GRM5: variants seen among roughly 807,000 people sequenced by gnomAD.
The protein encoded by GRM5 is metabotropic glutamate receptor 5.
GRM5 carries 19 observed loss-of-function variants against 83.1 expected under a neutral mutation model. The observed-to-expected ratio is 0.23, with a 90% CI of 0.16 to 0.34. GRM5 has a LOEUF of 0.34. Ranked by LOEUF, GRM5 falls within the 10% of genes least tolerant of loss-of-function variation. The pLI is 1.00. For missense variants in GRM5, 1,160 were observed against 1,588.3 expected (o/e 0.73, Z 4.58); for synonymous variants, 675 against 633.6 (o/e 1.07, Z -0.98).
chr11:89,009,462 C>A lies in GRM5; in HGVS notation c.661+37750G>T, dbSNP rs369648472. On this transcript the variant is annotated intron_variant, in intron 2 of 9. Transcript: ENST00000305447. Reference sequence around the variant, plus strand: ...AACAGAGGAATTTACCCAAGATTATCAAGTTAACAGATGAGAAAACTAGGA... The same window carrying A: ...AACAGAGGAATTTACCCAAGATTATAAAGTTAACAGATGAGAAAACTAGGA... 5.7e-4 allele frequency among the ~76,000 whole-genome samples: 87 copies of A among 152,212 alleles called. 1 individual carries two copies. The highest frequency in any genetic ancestry group is 1.8e-3 in the African/African-American group (74 of 41,546).
chr11:88,839,386 T>C (rs1785659193), intron 3 of GRM5, among the ~76,000 whole-genome samples: 1 of 152,298 alleles, frequency 6.6e-6, no homozygotes, highest in South Asian at 2.1e-4. Context: ...AAACAAAAAA[T>C]GGTTTTAGTA....
chr11:88,686,840 C>T (rs549501229), intron 3 of GRM5, among the ~76,000 whole-genome samples: 17 of 152,142 alleles, frequency 1.1e-4, no homozygotes, highest in Non-Finnish European at 1.9e-4. Context: ...TTCCCAGTCT[C>T]AGGTTTGTCT....
intron 2 of GRM5, among the ~76,000 whole-genome samples, chr11:88,965,997 A>T (rs1392616412): frequency 6.6e-6 from 1 of 152,178 alleles, no homozygotes; most frequent in African/African-American, 2.4e-5. Context: ...AGAACACAGA[A>T]TAGGAAATTC....
intron 4 of GRM5, among the ~76,000 whole-genome samples, chr11:88,627,434 A>G (rs1591392606): frequency 6.6e-6 from 1 of 152,196 alleles, no homozygotes. Flanking sequence ...TGAAAGATGC[A>G]CATTAGGGAT....
At position 88,814,522 on chromosome 11, in the gene GRM5, C is replaced by T. The variant is rs535033596; in HGVS notation, c.911+35384G>A. Among the ~76,000 whole-genome samples, 63 of 152,260 alleles carry T rather than the reference C, an allele frequency of 4.1e-4. No homozygotes were observed. The South Asian group carries it at 0.013, about 31-fold the overall frequency. On this transcript the variant is annotated intron_variant, in intron 3 of 9. Transcript: ENST00000305447. Reference sequence around the variant, plus strand: ...AGTAGGAAGTCTTATAATTCACAGACACAGTAGAATACTCAGAAGACTATT... The same window carrying T: ...AGTAGGAAGTCTTATAATTCACAGATACAGTAGAATACTCAGAAGACTATT...
At chr11:88,643,331 G>A (rs1259123203) in intron 4 of GRM5, among the ~76,000 whole-genome samples, 1 of 152,056 alleles carries the variant, frequency 6.6e-6, no homozygotes, top group East Asian at 1.9e-4. Flanking sequence ...TCAAGGGGAT[G>A]GTGCTAAACT....
At chr11:88,867,472 A>G (rs530869717) in intron 2 of GRM5, among the ~76,000 whole-genome samples, 2 of 151,850 alleles carry the variant, frequency 1.3e-5, no homozygotes, top group Admixed American at 1.3e-4. Context: ...GTCTTTTTTC[A>G]TAAGAAGTTT....
intron 2 of GRM5, among the ~76,000 whole-genome samples, chr11:89,014,121 T>C (rs1204065781): frequency 1.3e-5 from 2 of 152,146 alleles, no homozygotes; most frequent in African/African-American, 2.4e-5. Context: ...CAAACATACA[T>C]ATATATGTTT....
intron 3 of GRM5, among the ~76,000 whole-genome samples, chr11:88,760,329 A>C (rs929969542): frequency 4.2e-5 from 3 of 71,834 alleles, no homozygotes; most frequent in African/African-American, 1.7e-4. Flanking sequence ...TAGCTAGACT[A>C]ATAAAGAGAA....
intron 3 of GRM5, among the ~76,000 whole-genome samples, chr11:88,693,452 T>A (rs1420514350): frequency 6.6e-6 from 1 of 152,192 alleles, no homozygotes; most frequent in East Asian, 1.9e-4. Context: ...GTCTCCCTCA[T>A]TCCTGTCTGA....
intron 3 of GRM5, among the ~76,000 whole-genome samples, chr11:88,708,425 G>A (rs1292205413): frequency 6.6e-6 from 1 of 152,010 alleles, no homozygotes; most frequent in African/African-American, 2.4e-5. Flanking sequence ...ATATTGAGAG[G>A]AATAGGAAAG....
chr11:88,839,023 G>C (rs186312582), intron 3 of GRM5, among the ~76,000 whole-genome samples: 109 of 152,036 alleles, frequency 7.2e-4, no homozygotes, highest in Middle Eastern at 3.4e-3. Flanking sequence ...TTAAATTTCT[G>C]TTCTAGTTCT....
chr11:88,680,362 G>T (rs1374063213), intron 3 of GRM5, among the ~76,000 whole-genome samples: 1 of 152,014 alleles, frequency 6.6e-6, no homozygotes, highest in Non-Finnish European at 1.5e-5. Flanking sequence ...GCAATAGTTT[G>T]CTGAGAATGA....
intron 3 of GRM5, among the ~76,000 whole-genome samples, chr11:88,661,978 T>C (rs537112425): frequency 6.6e-6 from 1 of 152,272 alleles, no homozygotes; most frequent in Non-Finnish European, 1.5e-5. Context: ...CTGAGGTGTA[T>C]AAATCTCAAT....
chr11:89,044,950 C>T (rs1314972317), intron 2 of GRM5, among the ~76,000 whole-genome samples: 1 of 151,970 alleles, frequency 6.6e-6, no homozygotes, highest in African/African-American at 2.4e-5. Flanking sequence ...GTGAGTTTCA[C>T]CTTGTGAAAA....
At chr11:88,532,556 A>G (rs1942037698) in intron 8 of GRM5, among the ~76,000 whole-genome samples, 1 of 152,194 alleles carries the variant, frequency 6.6e-6, no homozygotes, top group South Asian at 2.1e-4. Context: ...AAAAATGACC[A>G]TGTGAATAAA....
intron 2 of GRM5, among the ~76,000 whole-genome samples, chr11:88,899,228 C>A (rs550620764): frequency 6.6e-6 from 1 of 151,880 alleles, no homozygotes; most frequent in African/African-American, 2.4e-5. Flanking sequence ...TCATCTTGAG[C>A]AACATGAACA....
At chr11:88,692,308 C>T (rs189028381) in intron 3 of GRM5, among the ~76,000 whole-genome samples, 188 of 152,238 alleles carry the variant, frequency 1.2e-3, no homozygotes, top group African/African-American at 4.3e-3. Context: ...TTTAGCAATT[C>T]CTATTGGATT....
At position 89,047,921 on chromosome 11, in the gene GRM5, C is replaced by T; in HGVS notation, c.-49G>A. 2 of 1,452,354 alleles carry T rather than the reference C, an allele frequency of 1.4e-6. No homozygotes were observed. Among genetic ancestry groups the T allele is most frequent in the South Asian group, 2.4e-5 (2 of 83,690 alleles). The allele number at this position is 1,452,354 out of a possible 1,614,324, so 90.0% of individuals were successfully genotyped here. A position where few individuals can be genotyped will look rare whatever the true frequency, so the allele number is the denominator to read the frequency against. ...TAAAGATAGCATGGTGGGGAAAATT[C>T]AGGAGGGTTCTGATAGCTACGAACA... On this transcript the variant is annotated 5_prime_UTR_variant, in exon 2 of 10. Coordinates refer to ENST00000305447, the MANE Select transcript of GRM5 (RefSeq NM_001143831.3). The surrounding 1 kb of genome is among the most constrained non-coding windows in gnomAD (Gnocchi z 5.1).
Sources: gnomAD v4.1 joint callset for allele counts (sites outside exome capture counted in the v4.1 genomes callset) on GRCh38, gnomAD v4.1.1 for gene constraint, Gnocchi (gnomAD v3.1) non-coding constraint, MANE v1.5 for transcripts, NCBI Gene and HGNC (gene_info 2026-07-23, HGNC 2026-07-21) for gene names.